The following SRGAP3 variants were observed in gnomAD, a reference collection of about 807,000 sequenced individuals.
SRGAP3 encodes SLIT-ROBO Rho GTPase-activating protein 3.
In SRGAP3, 39 loss-of-function variants were observed where a neutral mutation model predicts 121.1. That is an observed-to-expected ratio of 0.32 (90% confidence interval 0.25 to 0.42). The LOEUF is 0.42. Ranked by LOEUF, SRGAP3 falls within the 10% of genes least tolerant of loss-of-function variation. The probability of loss-of-function intolerance (pLI) is 1.00; values close to 1 mark genes in which losing one functional copy is unlikely to be tolerated. For missense variants in SRGAP3, 1,213 were observed against 1,470.6 expected, an observed-to-expected ratio of 0.82 and a Z score of 2.86; for synonymous variants, 601 against 570.0, an observed-to-expected ratio of 1.05 and a Z score of -0.77.
chr3:9,193,626 G>C (rs565043143), intron 1 of SRGAP3: 1 of 152,310 alleles, frequency 6.6e-6, no homozygotes. Flanking sequence ...GTTGGAGTTG[G>C]GGGCAGGGTT....
At chr3:9,018,111 T>C (rs1574916358) in intron 14 of SRGAP3, among the ~76,000 whole-genome samples, 1 of 152,252 alleles carries the variant, frequency 6.6e-6, no homozygotes, top group South Asian at 2.1e-4. Flanking sequence ...AGAAATCTTC[T>C]TTCTGAGGCT....
At position 9,109,328 on chromosome 3, in the gene SRGAP3, G is replaced by C. The variant is rs1234333817; in HGVS notation, c.261-4486C>G. On this transcript the variant is annotated intron_variant, in intron 2 of 21. Transcript: ENST00000383836. This position sits in a 1 kb window ranked among gnomAD's most constrained non-coding sequence, Gnocchi z 4.4. ...CCATTAACTAGGTCATCTAGCCAGA[G>C]AGATGAGATGAGAGGAAGGGCAGAG... 6.6e-6 allele frequency among the ~76,000 whole-genome samples: 1 copy of C among 152,172 alleles called. No individual in the cohort carries two copies. Among genetic ancestry groups the C allele is most frequent in the Non-Finnish European group, 1.5e-5 (1 of 68,036 alleles).
intron 1 of SRGAP3, among the ~76,000 whole-genome samples, chr3:9,167,674 G>A (rs1295550753): frequency 6.6e-6 from 1 of 152,178 alleles, no homozygotes; most frequent in African/African-American, 2.4e-5. Context: ...GATGTCCAGG[G>A]TGCAACTTCA....
In SRGAP3 at chr3:8,981,040, G is replaced by A. The variant is rs1046259861; in HGVS notation, c.*4479C>T. On this transcript the variant is annotated 3_prime_UTR_variant, in exon 22 of 22. Coordinates refer to ENST00000383836, the MANE Select transcript of SRGAP3 (RefSeq NM_014850.4). ...GGCCGGGGACAACTCACACAGAAAG[G>A]AGGTGTCAACAAGGGGCAGCGATGG... 1 of 233,066 alleles carries A rather than the reference G, an allele frequency of 4.3e-6. No homozygotes were observed. Among genetic ancestry groups the A allele is most frequent in the Non-Finnish European group, 8.5e-6 (1 of 117,842 alleles). 14.4% of individuals were successfully genotyped at this position (233,066 alleles called of 1,614,324 possible).
Position 9,239,332 on chromosome 3 carries a change from G to T in SRGAP3, c.67+9553C>A, listed in dbSNP as rs1242846976. On this transcript the variant is annotated intron_variant, in intron 1 of 21. Coordinates refer to ENST00000383836, the MANE Select transcript of SRGAP3 (RefSeq NM_014850.4). This position sits in a 1 kb window ranked among gnomAD's most constrained non-coding sequence, Gnocchi z 4.0. The stretch of plus-strand genomic sequence containing the variant: ...CAGGCATAGGTTGCAGTGAGCCAAG[G>T]TTGCACCACTGCATTCCAGTCTGGG... Among the ~76,000 whole-genome samples, 2 of 152,136 alleles carry T rather than the reference G, an allele frequency of 1.3e-5. No individual in the cohort carries two copies. Among genetic ancestry groups the T allele is most frequent in the Admixed American group, 1.3e-4 (2 of 15,270 alleles).
chr3:9,110,315 T>TGAGTTCGAGTCGAACACGAC, intron 2 of SRGAP3, among the ~76,000 whole-genome samples: 1 of 152,016 alleles, frequency 6.6e-6, no homozygotes, highest in Non-Finnish European at 1.5e-5. Context: ...GGGAGGATGA[T>TGAGTTCGAGTCGAACACGAC]GAGTTCGAGT....
intron 3 of SRGAP3, among the ~76,000 whole-genome samples, chr3:9,092,975 C>T (rs1462655204): frequency 1.3e-5 from 2 of 152,176 alleles, no homozygotes; most frequent in Non-Finnish European, 2.9e-5. Flanking sequence ...CTCTCTCTCT[C>T]TCTCTCTAAG....
chr3:9,032,085 C>G (rs1450537396), intron 12 of SRGAP3, among the ~76,000 whole-genome samples: 2 of 152,176 alleles, frequency 1.3e-5, no homozygotes, highest in African/African-American at 4.8e-5. Flanking sequence ...AAAGGGACAA[C>G]CTCAACTTTT....
chr3:9,285,079 G>A (rs1954745433), intron 3 of SRGAP3, among the ~76,000 whole-genome samples: 1 of 152,170 alleles, frequency 6.6e-6, no homozygotes, highest in South Asian at 2.1e-4. Context: ...TAGGAACAGT[G>A]CAAGAGTTAG....
rs768761962 is a variant in SRGAP3 at position 9,013,553 on chromosome 3, C to T, written c.1920-18G>A. On this transcript the variant is annotated intron_variant, in intron 16 of 21. Coordinates refer to ENST00000383836, the MANE Select transcript of SRGAP3 (RefSeq NM_014850.4). Reference sequence around the variant, plus strand: ...GGGAGAGGCTAGGAGAGAGGAGTTACCCACAAGTCATCTGGGAAAGGCAAG... The same window carrying T: ...GGGAGAGGCTAGGAGAGAGGAGTTATCCACAAGTCATCTGGGAAAGGCAAG... 1.2e-6 allele frequency: 2 copies of T among 1,612,802 alleles called. No individual in the cohort carries two copies. Among genetic ancestry groups the T allele is most frequent in the Non-Finnish European group, 8.5e-7 (1 of 1,179,158 alleles).
intron 3 of SRGAP3, among the ~76,000 whole-genome samples, chr3:9,285,963 A>C (rs1008921247): frequency 1.3e-5 from 2 of 151,372 alleles, no homozygotes; most frequent in Non-Finnish European, 2.9e-5. Flanking sequence ...AAGTTTAAAA[A>C]TTAGCTCAGC....
intron 2 of SRGAP3, among the ~76,000 whole-genome samples, chr3:9,124,032 C>T (rs1467944076): frequency 6.6e-6 from 1 of 151,994 alleles, no homozygotes; most frequent in Non-Finnish European, 1.5e-5. Context: ...TGCTTCCTGC[C>T]TGCCTGTATT....
intron 2 of SRGAP3, among the ~76,000 whole-genome samples, chr3:9,123,429 G>A (rs897211369): frequency 2.0e-5 from 3 of 151,116 alleles, no homozygotes; most frequent in East Asian, 1.9e-4. Flanking sequence ...TGGAGAGGCC[G>A]GGTATGGTGG....
chr3:9,249,334 G>A lies in SRGAP3; in HGVS notation c.-383C>T, dbSNP rs1953936975. ...TCACGCATGCACAGGCACACTCACC[G>A]GGACACGCACACAGTTGTGCTGTGC... On this transcript the variant is annotated 5_prime_UTR_variant, in exon 1 of 22. Coordinates refer to ENST00000383836, the MANE Select transcript of SRGAP3 (RefSeq NM_014850.4). 2.4e-6 allele frequency: 1 copy of A among 424,766 alleles called. No individual in the cohort carries two copies. Among genetic ancestry groups the A allele is most frequent in the Non-Finnish European group, 4.4e-6 (1 of 227,684 alleles). The allele number at this position is 424,766 out of a possible 1,614,324, so 26.3% of individuals were successfully genotyped here. A position where few individuals can be genotyped will look rare whatever the true frequency, so the allele number is the denominator to read the frequency against.
intron 2 of SRGAP3, among the ~76,000 whole-genome samples, chr3:9,121,095 T>C (rs1456880388): frequency 2.0e-5 from 3 of 152,208 alleles, no homozygotes; most frequent in African/African-American, 7.2e-5. Context: ...GTTCCATCTC[T>C]GAGGCAAATC....
chr3:9,019,424 G>A (rs943134420), intron 14 of SRGAP3, among the ~76,000 whole-genome samples: 1 of 152,242 alleles, frequency 6.6e-6, no homozygotes, highest in Non-Finnish European at 1.5e-5. Context: ...TATCTCAGGG[G>A]AGTAGCACTT....
intron 1 of SRGAP3, among the ~76,000 whole-genome samples, chr3:9,211,360 TTCTG>T (rs1391813386): frequency 6.6e-6 from 1 of 152,182 alleles, no homozygotes; most frequent in East Asian, 1.9e-4. Flanking sequence ...AACCACCAAG[TTCTG>T]TCTTTCTTTC....
intron 20 of SRGAP3, chr3:8,992,656 T>G: frequency 1.7e-6 from 1 of 588,698 alleles, no homozygotes; most frequent in Non-Finnish European, 3.0e-6. Flanking sequence ...ATTATTATTT[T>G]AAATAAAAAA....
chr3:9,349,581 T>C (rs1486228773), intron 1 of SRGAP3: 1 of 171,738 alleles, frequency 5.8e-6, no homozygotes, highest in East Asian at 1.6e-4. Flanking sequence ...GCTCTATTCA[T>C]TCCAGTGGAA....
Sources: gnomAD v4.1 joint callset for allele counts (sites outside exome capture counted in the v4.1 genomes callset) on GRCh38, gnomAD v4.1.1 for gene constraint, Gnocchi (gnomAD v3.1) non-coding constraint, MANE v1.5 for transcripts, NCBI Gene and HGNC (gene_info 2026-07-23, HGNC 2026-07-21) for gene names.